The following ROBO1 variants were observed in gnomAD, a reference collection of about 807,000 sequenced individuals.
ROBO1 encodes roundabout homolog 1.
A neutral mutation model predicts 195.9 loss-of-function variants in ROBO1; 149 were observed. The observed-to-expected ratio is 0.76, with a 90% CI of 0.67 to 0.87. The LOEUF (loss-of-function observed/expected upper bound fraction) is 0.87. Ranked by LOEUF, ROBO1 falls within the 40% of genes least tolerant of loss-of-function variation. ROBO1 has a pLI of 0.00. For synonymous variants in ROBO1, 816 were observed against 733.2 expected, an observed-to-expected ratio of 1.11 and a Z score of -1.82; for missense variants, 1,933 against 2,068.3, an observed-to-expected ratio of 0.93 and a Z score of 1.27.
intron 3 of ROBO1, among the ~76,000 whole-genome samples, chr3:79,011,719 T>G (rs1263835286): frequency 6.6e-6 from 1 of 150,582 alleles, no homozygotes; most frequent in Non-Finnish European, 1.5e-5. Flanking sequence ...TATGTTTTCA[T>G]AATGTTGCAT....
At chr3:79,509,944 G>T (rs998868766) in intron 2 of ROBO1, among the ~76,000 whole-genome samples, 1 of 151,728 alleles carries the variant, frequency 6.6e-6, no homozygotes, top group Admixed American at 6.6e-5. Flanking sequence ...CATATATCAG[G>T]CATGGTGCAA....
chr3:79,188,868 G>A (rs908818377), intron 2 of ROBO1, among the ~76,000 whole-genome samples: 4 of 151,836 alleles, frequency 2.6e-5, no homozygotes, highest in Admixed American at 2.0e-4. Context: ...AATGGTATTA[G>A]GAGTTGATGC....
chr3:79,043,286 T>G (rs1056627750), intron 3 of ROBO1, among the ~76,000 whole-genome samples: 14 of 152,110 alleles, frequency 9.2e-5, no homozygotes, highest in African/African-American at 3.4e-4. Context: ...ATCACCAAAT[T>G]CCATGTCCTC....
intron 2 of ROBO1, among the ~76,000 whole-genome samples, chr3:79,526,292 G>A (rs1468621517): frequency 6.6e-6 from 1 of 152,146 alleles, no homozygotes; most frequent in Non-Finnish European, 1.5e-5. Context: ...TATAGATTTT[G>A]CTACTGAGCA....
intron 1 of ROBO1, among the ~76,000 whole-genome samples, chr3:79,653,394 G>T (rs2106764432): frequency 6.6e-6 from 1 of 151,964 alleles, no homozygotes; most frequent in South Asian, 2.1e-4. Context: ...TTCCCAGAAA[G>T]CTAAAAACCT....
chr3:79,412,540 A>T (rs1245824516), intron 2 of ROBO1, among the ~76,000 whole-genome samples: 2 of 152,072 alleles, frequency 1.3e-5, no homozygotes, highest in South Asian at 2.1e-4. Context: ...AAAAAATCCC[A>T]CTTGTTCACA....
intron 3 of ROBO1, among the ~76,000 whole-genome samples, chr3:79,072,151 T>C (rs1203728495): frequency 6.6e-6 from 1 of 151,930 alleles, no homozygotes; most frequent in Non-Finnish European, 1.5e-5. Context: ...ACTCAGTCTT[T>C]AATTATTCCT....
intron 1 of ROBO1, among the ~76,000 whole-genome samples, chr3:79,755,926 A>G (rs1312514567): frequency 6.6e-6 from 1 of 152,188 alleles, no homozygotes; most frequent in South Asian, 2.1e-4. Context: ...ACCACTTTGT[A>G]TCATACTCAA....
At chr3:79,107,554 A>C (rs916619236) in intron 3 of ROBO1, among the ~76,000 whole-genome samples, 3 of 151,718 alleles carry the variant, frequency 2.0e-5, no homozygotes, top group African/African-American at 7.2e-5. Flanking sequence ...ATTCTTTTTA[A>C]GTAGAATTTG....
intron 2 of ROBO1, among the ~76,000 whole-genome samples, chr3:79,409,031 T>C (rs2037665934): frequency 6.6e-6 from 1 of 152,134 alleles, no homozygotes; most frequent in African/African-American, 2.4e-5. Context: ...AAAGTCTCCT[T>C]CATGAGTTCA....
Position 79,759,283 on chromosome 3 carries a change from G to A in ROBO1, c.-51+8469C>T, listed in dbSNP as rs567393219. Among the ~76,000 whole-genome samples the A allele has an allele frequency of 4.4e-4, 67 of 152,024 alleles. 1 individual carries two copies. The highest frequency in any genetic ancestry group is 7.4e-4 in the Non-Finnish European group (50 of 68,000). ...CAATATGATGGAATAATTTCCTTTC[G>A]AAACATTTTGTGCTTGGATTAATAT... On this transcript the variant is annotated intron_variant, in intron 1 of 30. Transcript: ENST00000464233.
At chr3:79,425,698 C>T (rs1364290644) in intron 2 of ROBO1, among the ~76,000 whole-genome samples, 4 of 151,272 alleles carry the variant, frequency 2.6e-5, no homozygotes, top group Non-Finnish European at 5.9e-5. Context: ...CAGAATGGAA[C>T]ACACACACAC....
intron 4 of ROBO1, 75 bp from the exon 5 acceptor site, chr3:78,746,975 CATTT>C (rs2082674514): frequency 1.0e-6 from 1 of 989,700 alleles, no homozygotes; most frequent in Non-Finnish European, 1.3e-6. Flanking sequence ...CAGCAGGAGA[CATTT>C]ATTATAATTA....
chr3:79,399,979 A>G (rs1279028071), intron 2 of ROBO1, among the ~76,000 whole-genome samples: 2 of 152,152 alleles, frequency 1.3e-5, no homozygotes, highest in African/African-American at 4.8e-5. Flanking sequence ...AAGAGAACTC[A>G]CAGTGCTTAG....
chr3:79,166,621 A>G (rs574892353), intron 2 of ROBO1, among the ~76,000 whole-genome samples: 38 of 145,640 alleles, frequency 2.6e-4, no homozygotes, highest in Admixed American at 7.0e-4. Context: ...GCTGGAGTGC[A>G]GTGGTGCAAT....
intron 2 of ROBO1, among the ~76,000 whole-genome samples, chr3:79,362,665 A>G (rs2035815704): frequency 1.3e-5 from 2 of 152,300 alleles, no homozygotes; most frequent in South Asian, 4.1e-4. Flanking sequence ...TGAGATAATA[A>G]GTCTGTTTGA....
At chr3:79,146,237 C>CA (rs748894519) in intron 2 of ROBO1, among the ~76,000 whole-genome samples, 6 of 151,978 alleles carry the variant, frequency 3.9e-5, no homozygotes, top group Non-Finnish European at 8.8e-5. Flanking sequence ...CACCTGTCAT[C>CA]ACTCACCGTG....
chr3:78,851,790 C>T (rs377617417), intron 4 of ROBO1, among the ~76,000 whole-genome samples: 2 of 152,000 alleles, frequency 1.3e-5, no homozygotes, highest in East Asian at 1.9e-4. Flanking sequence ...CAACAAAAAG[C>T]ATGGATAACT....
intron 1 of ROBO1, among the ~76,000 whole-genome samples, chr3:79,624,428 T>C (rs1399077919): frequency 2.6e-5 from 4 of 151,968 alleles, no homozygotes; most frequent in Non-Finnish European, 4.4e-5. Flanking sequence ...TTAAGACCCA[T>C]CGGTATGCTG....
Sources: gnomAD v4.1 joint callset for allele counts (sites outside exome capture counted in the v4.1 genomes callset) on GRCh38, gnomAD v4.1.1 for gene constraint, MANE v1.5 for transcripts, NCBI Gene and HGNC (gene_info 2026-07-23, HGNC 2026-07-21) for gene names.